The following ADPRHL1 variants were observed in gnomAD, a reference collection of about 807,000 sequenced individuals.
ADPRHL1 encodes the protein ADP-ribosylhydrolase like 1.
In ADPRHL1, 43 loss-of-function variants were observed where a neutral mutation model predicts 44.1. That is an observed-to-expected ratio of 0.98 (90% CI 0.76 to 1.26). The LOEUF (loss-of-function observed/expected upper bound fraction) is 1.26. ADPRHL1 is among the 50% of genes most tolerant of loss of function. ADPRHL1 has a pLI of 0.00. For synonymous variants in ADPRHL1, 878 were observed against 1,017.4 expected, an observed-to-expected ratio of 0.86 and a Z score of 2.61; for missense variants, 2,022 against 2,496.9, an observed-to-expected ratio of 0.81 and a Z score of 4.05.
chr13:113,439,450 T>A (rs1595553505), intron 2 of ADPRHL1, among the ~76,000 whole-genome samples: 1 of 150,058 alleles, frequency 6.7e-6, no homozygotes, highest in Non-Finnish European at 1.5e-5. Flanking sequence ...TTGTATTTTT[T>A]TTTTTTTTTT....
At chr13:113,436,370 G>A (rs2044056439) in intron 2 of ADPRHL1, among the ~76,000 whole-genome samples, 1 of 98,688 alleles carries the variant, frequency 1.0e-5, no homozygotes, top group African/African-American at 4.1e-5. Context: ...GCACCCAGGT[G>A]TAGGGTGAAC....
chr13:113,419,307 G>A, intron 7 of ADPRHL1, among the ~76,000 whole-genome samples: 1 of 130,164 alleles, frequency 7.7e-6, no homozygotes, highest in Non-Finnish European at 1.6e-5. Flanking sequence ...TGTAGAGATG[G>A]GGTTTTGCCA....
At chr13:113,444,612 A>C (rs1174979961) in intron 1 of ADPRHL1, 23 bp from the exon 2 acceptor site, 44 of 1,610,148 alleles carry the variant, frequency 2.7e-5, no homozygotes, top group Non-Finnish European at 3.6e-5. Context: ...GGGAGGGCAG[A>C]CATCAGAGCC....
intron 1 of ADPRHL1, among the ~76,000 whole-genome samples, chr13:113,447,743 T>C (rs2044152710): frequency 6.6e-6 from 1 of 152,094 alleles, no homozygotes; most frequent in Non-Finnish European, 1.5e-5. Context: ...ATAGGAGAGG[T>C]GTGAGGGCTG....
At chr13:113,422,510 C>A in intron 7 of ADPRHL1, 1 of 306,510 alleles carries the variant, frequency 3.3e-6, no homozygotes, top group Non-Finnish European at 6.2e-6. Context: ...ACAGCATTAG[C>A]TCTGCGACAG....
intron 1 of ADPRHL1, among the ~76,000 whole-genome samples, chr13:113,446,960 G>A (rs1192607936): frequency 6.8e-6 from 1 of 148,094 alleles, no homozygotes; most frequent in Non-Finnish European, 1.5e-5. Flanking sequence ...TCACGGTGTT[G>A]TGTGTGCATG....
At position 113,404,523 on chromosome 13, in the gene ADPRHL1, A is replaced by G. The variant is rs1398873417; in HGVS notation, c.4759T>C (p.Trp1587Arg). Reference protein sequence around the residue: ...QGQVQGQAQKWAQGQIQGQAQ... With the variant: ...QGQVQGQAQKRAQGQIQGQAQ... ...TGTCCCTGAATCTGCCCCTGAGCCCATTTCTGGGCCTGTCCCTGAACCTGT... is the reference window on the plus strand; with the variant it reads ...TGTCCCTGAATCTGCCCCTGAGCCCGTTTCTGGGCCTGTCCCTGAACCTGT... Residue 1587 changes from tryptophan (W) to arginine (R), a missense_variant, in exon 8 of 8, where the codon TGG (tryptophan) becomes CGG (arginine). Physicochemically the swap from Trp to Arg is moderately radical, Grantham distance 101. Around this residue, in one of 8 missense-constraint regions of ADPRHL1, gnomAD observed 78 missense variants for 76.5 expected, o/e 1.02. Coordinates refer to ENST00000612156, the MANE Select transcript of ADPRHL1 (RefSeq NM_001394807.1). 7.9e-7 allele frequency: 1 copy of G among 1,261,714 alleles called. No individual in the cohort carries two copies. Among genetic ancestry groups the G allele is most frequent in the Non-Finnish European group, 9.9e-7 (1 of 1,012,910 alleles). 78.2% of individuals were successfully genotyped at this position (1,261,714 alleles called of 1,614,324 possible). A position where few individuals can be genotyped will look rare whatever the true frequency, so the allele number is the denominator to read the frequency against.
At chr13:113,417,640 A>G (rs1479250348) in intron 7 of ADPRHL1, among the ~76,000 whole-genome samples, 2 of 152,214 alleles carry the variant, frequency 1.3e-5, no homozygotes, top group Non-Finnish European at 2.9e-5. Context: ...GAATCCCGAG[A>G]CGGTCTCAGG....
At position 113,400,140 on chromosome 13, in the gene ADPRHL1, CTTTTCTTCT is replaced by C. The variant is rs1191918255; in HGVS notation, c.*3229_*3237del. 3 of 139,238 alleles carry C rather than the reference CTTTTCTTCT, an allele frequency of 2.2e-5. No individual in the cohort carries two copies. The highest frequency in any genetic ancestry group is 8.7e-5 in the African/African-American group (3 of 34,392). The allele number at this position is 139,238 out of a possible 1,614,324, so 8.6% of individuals were successfully genotyped here. A position where few individuals can be genotyped will look rare whatever the true frequency, so the allele number is the denominator to read the frequency against. ...TAAATATCCTGTTTTCTTTTCTTTT[CTTTTCTTCT>C]TTTTTTTTTTTTTTTTGACGGAGTC... On this transcript the variant is annotated 3_prime_UTR_variant, in exon 8 of 8. Transcript: ENST00000612156.
At position 113,433,724 on chromosome 13, in the gene ADPRHL1, C is replaced by A. The variant is rs752492541; in HGVS notation, c.505+18G>T. The A allele has an allele frequency of 3.2e-6, 5 of 1,573,226 alleles. No homozygotes were observed. Among genetic ancestry groups the A allele is most frequent in the Admixed American group, 1.8e-5 (1 of 56,834 alleles). ...GCACTCCACGCTGACCTCCCTCCCA[C>A]CCCCCGCCCACACTTACCTGTGGGA... On this transcript the variant is annotated intron_variant, in intron 3 of 7. Coordinates refer to ENST00000612156, the MANE Select transcript of ADPRHL1 (RefSeq NM_001394807.1).
intron 3 of ADPRHL1, among the ~76,000 whole-genome samples, chr13:113,429,707 C>A (rs1302761498): frequency 6.6e-6 from 1 of 152,216 alleles, no homozygotes; most frequent in Non-Finnish European, 1.5e-5. Context: ...TTGAGAGCGA[C>A]CCCGCAGAGC....
intron 1 of ADPRHL1, chr13:113,449,409 AG>A (rs1279992608): frequency 5.3e-6 from 1 of 190,164 alleles, no homozygotes; most frequent in South Asian, 1.4e-4. Flanking sequence ...GGAAGGAGGC[AG>A]CCCTGTTCAG....
chr13:113,438,491 C>T (rs1029762326), intron 2 of ADPRHL1, among the ~76,000 whole-genome samples: 1 of 151,908 alleles, frequency 6.6e-6, no homozygotes, highest in African/African-American at 2.4e-5. Flanking sequence ...GTCAGGAGTT[C>T]GAGACCAGCC....
At position 113,404,819 on chromosome 13, in the gene ADPRHL1, G is replaced by T. The variant is rs1401757179; in HGVS notation, c.4463C>A (p.Ala1488Asp). The change falls in exon 8 of 8, where the codon GCC becomes GAC. Residue 1488 changes from alanine (A) to aspartate (D), a missense_variant. Ala to Asp is a moderately radical substitution (Grantham distance 126). Around this residue, in one of 8 missense-constraint regions of ADPRHL1, gnomAD observed 1,221 missense variants for 1,517.8 expected, o/e 0.80. Coordinates refer to ENST00000612156, the MANE Select transcript of ADPRHL1 (RefSeq NM_001394807.1). ...GTCCCATTCCTGAACCTGTTTCTGG[G>T]CCTGTCCTTGGGCTGCCGGGCTTCC... ...GPGSPAAQGQ[A>D]QKQVQEWDRG... 1.1e-5 allele frequency: 14 copies of T among 1,254,080 alleles called. No individual in the cohort carries two copies. The highest frequency in any genetic ancestry group is 1.5e-5 in the African/African-American group (1 of 64,542). 77.7% of individuals were successfully genotyped at this position (1,254,080 alleles called of 1,614,324 possible). A position where few individuals can be genotyped will look rare whatever the true frequency, so the allele number is the denominator to read the frequency against.
intron 1 of ADPRHL1, among the ~76,000 whole-genome samples, chr13:113,446,102 C>T (rs964932040): frequency 2.7e-5 from 4 of 146,188 alleles, no homozygotes; most frequent in South Asian, 2.2e-4. Context: ...AGAGAGAGTA[C>T]GCAGGGCCCC....
intron 7 of ADPRHL1, among the ~76,000 whole-genome samples, chr13:113,413,755 C>T (rs771979833): frequency 3.3e-5 from 5 of 152,218 alleles, no homozygotes; most frequent in Non-Finnish European, 5.9e-5. Context: ...CCCAGCAGTG[C>T]GGGGCGAGAC....
In ADPRHL1 at chr13:113,425,066, C is replaced by T. The variant is rs765559090; in HGVS notation, c.760G>A (p.Glu254Lys). The change falls in exon 5 of 8, where the codon GAA becomes AAA. Residue 254 changes from glutamate (E) to lysine (K), a missense_variant. Physicochemically the swap from Glu to Lys is moderately conservative, Grantham distance 56 (BLOSUM62 1). Coordinates refer to ENST00000612156, the MANE Select transcript of ADPRHL1 (RefSeq NM_001394807.1). The stretch of plus-strand genomic sequence containing the variant: ...ACAAGGCTTACCTTTTCCCTCTCTT[C>T]TGCATCATAATTGTCGGGGAAGATG... The part of the protein sequence containing the change: ...KAIFPDNYDA[E>K]EREKTYRKWS... The T allele has an allele frequency of 1.2e-6, 2 of 1,613,642 alleles. No individual in the cohort carries two copies. The highest frequency in any genetic ancestry group is 8.5e-7 in the Non-Finnish European group (1 of 1,179,938).
Position 113,406,527 on chromosome 13 carries a change from C to T in ADPRHL1, c.2755G>A (p.Gly919Arg). Residue 919 changes from glycine to arginine, a missense_variant, in exon 8 of 8, where the codon GGG becomes AGG. Coordinates refer to ENST00000612156, the MANE Select transcript of ADPRHL1 (RefSeq NM_001394807.1). ...QAGLSASSPQ[G>R]PRAAPRLAAA... ...GCCAGACGCGGAGCTGCCCGTGGCC[C>T]CTGCGGCGAAGAGGCGCTGAGTCCC... 2 of 1,232,012 alleles carry T rather than the reference C, an allele frequency of 1.6e-6. No homozygotes were observed. The highest frequency in any genetic ancestry group is 2.0e-6 in the Non-Finnish European group (2 of 987,988). 76.3% of individuals were successfully genotyped at this position (1,232,012 alleles called of 1,614,324 possible).
chr13:113,408,848 A>AGGGGGCTGCAGAGAGGAGGGGGGGCG (rs1555325346), intron 7 of ADPRHL1, among the ~76,000 whole-genome samples: 1 of 117,390 alleles, frequency 8.5e-6, no homozygotes, highest in Admixed American at 8.4e-5. Flanking sequence ...GCAGGGGAGG[A>AGGGGGCTGCAGAGAGGAGGGGGGGCG]GGGGGCTGCA....
Sources: allele counts gnomAD v4.1 joint callset (sites outside exome capture counted in the v4.1 genomes callset), GRCh38; gene constraint gnomAD v4.1.1; regional missense constraint gnomAD v4.1.1; transcripts MANE v1.5; gene names NCBI Gene and HGNC (gene_info 2026-07-23, HGNC 2026-07-21).